The following KCNB2 variants were observed in gnomAD, a reference collection of about 807,000 sequenced individuals.
KCNB2 encodes the protein delayed rectifier potassium channel protein.
In KCNB2, 15 loss-of-function variants were observed where a neutral mutation model predicts 61.5. The observed-to-expected ratio is 0.24, with a 90% CI of 0.16 to 0.38. KCNB2 has a LOEUF of 0.38. KCNB2 is among the 10% of genes least tolerant of loss of function. The pLI is 1.00. For missense variants in KCNB2, 828 were observed against 1,125.2 expected (o/e 0.74, Z 3.78); for synonymous variants, 457 against 446.0 (o/e 1.02, Z -0.31).
chr8:72,580,421 T>C (rs1806872743), intron 2 of KCNB2, among the ~76,000 whole-genome samples: 1 of 152,236 alleles, frequency 6.6e-6, no homozygotes, highest in African/African-American at 2.4e-5. Context: ...TATTTCTAGT[T>C]GTATTTTTCA....
intron 2 of KCNB2, among the ~76,000 whole-genome samples, chr8:72,635,234 A>T (rs958411746): frequency 3.9e-5 from 6 of 152,160 alleles, no homozygotes; most frequent in Admixed American, 2.6e-4. Flanking sequence ...CCCTTTTTGC[A>T]GTCGGCTGCA....
chr8:72,918,992 T>A (rs1806451656), intron 2 of KCNB2, among the ~76,000 whole-genome samples: 1 of 152,166 alleles, frequency 6.6e-6, no homozygotes, highest in African/African-American at 2.4e-5. Context: ...TAAAATACCA[T>A]CTATCTGTAA....
chr8:72,604,240 C>T (rs1805411828), intron 2 of KCNB2, among the ~76,000 whole-genome samples: 1 of 152,196 alleles, frequency 6.6e-6, no homozygotes, highest in Non-Finnish European at 1.5e-5. Flanking sequence ...GCAGTAACTA[C>T]TTAGAACACA....
intron 2 of KCNB2, among the ~76,000 whole-genome samples, chr8:72,760,572 T>C (rs1328497058): frequency 1.3e-5 from 2 of 152,174 alleles, no homozygotes; most frequent in East Asian, 3.9e-4. Flanking sequence ...ACACATGAGA[T>C]GGGATCCTAT....
At chr8:72,929,991 T>G (rs1014341847) in intron 2 of KCNB2, among the ~76,000 whole-genome samples, 3 of 125,568 alleles carry the variant, frequency 2.4e-5, no homozygotes, top group Non-Finnish European at 4.7e-5. Flanking sequence ...GATATCCCCC[T>G]TCCTGTGTCC....
chr8:72,596,557 G>A (rs992484961), intron 2 of KCNB2, among the ~76,000 whole-genome samples: 1 of 152,156 alleles, frequency 6.6e-6, no homozygotes, highest in Non-Finnish European at 1.5e-5. Flanking sequence ...GCCCATCATT[G>A]TTACATAAGG....
chr8:72,613,519 A>G (rs770728611), intron 2 of KCNB2, among the ~76,000 whole-genome samples: 1 of 152,230 alleles, frequency 6.6e-6, no homozygotes, highest in Non-Finnish European at 1.5e-5. Context: ...AACAAAATAT[A>G]AAAATAAAAT....
chr8:72,700,853 G>A (rs1807110133), intron 2 of KCNB2, among the ~76,000 whole-genome samples: 1 of 152,130 alleles, frequency 6.6e-6, no homozygotes, highest in Non-Finnish European at 1.5e-5. Context: ...ATCAGGGATT[G>A]GATAAAGAAC....
intron 1 of KCNB2, 132 bp from the exon 2 acceptor site, chr8:72,567,510 A>G (rs980860833): frequency 2.1e-6 from 1 of 471,568 alleles, no homozygotes; most frequent in African/African-American, 2.0e-5. Context: ...GTATGTAGAC[A>G]TTAATATTGT....
At chr8:72,904,917 T>C (rs1044283692) in intron 2 of KCNB2, among the ~76,000 whole-genome samples, 1 of 152,092 alleles carries the variant, frequency 6.6e-6, no homozygotes, top group Admixed American at 6.6e-5. Context: ...AGGAACCTTG[T>C]CTTATTCACT....
At chr8:72,655,422 C>A (rs1244518325) in intron 2 of KCNB2, among the ~76,000 whole-genome samples, 1 of 151,812 alleles carries the variant, frequency 6.6e-6, no homozygotes, top group Non-Finnish European at 1.5e-5. Context: ...TATAACAAAC[C>A]CTGAACCTAA....
At chr8:72,779,674 C>T (rs1359267752) in intron 2 of KCNB2, among the ~76,000 whole-genome samples, 3 of 152,092 alleles carry the variant, frequency 2.0e-5, no homozygotes, top group Admixed American at 6.6e-5. Flanking sequence ...TAGAGCTCTT[C>T]TTTTTTAAAG....
chr8:72,868,793 A>G (rs1023275543), intron 2 of KCNB2, among the ~76,000 whole-genome samples: 1 of 152,160 alleles, frequency 6.6e-6, no homozygotes, highest in African/African-American at 2.4e-5. Context: ...CAAAATAGAG[A>G]AAAATGGCTG....
At position 72,937,533 on chromosome 8, in the gene KCNB2, A is replaced by G; in HGVS notation, c.2178A>G (p.Ala726=). The G allele has an allele frequency of 1.2e-6, 2 of 1,613,836 alleles. No individual in the cohort carries two copies. Among genetic ancestry groups the G allele is most frequent in the Non-Finnish European group, 1.7e-6 (2 of 1,179,930 alleles). ...KVNFKENRGS[A]PQTPPSTARP... is the part of the protein sequence containing the mutation. ...ACTTTAAGGAAAATAGAGGCAGTGC[A>G]CCACAGACCCCGCCCAGCACAGCCA... Residue 726 remains alanine, a synonymous_variant, in exon 3 of 3, where the codon GCA becomes GCG. Coordinates refer to ENST00000523207, the MANE Select transcript of KCNB2 (RefSeq NM_004770.3).
At chr8:72,818,609 C>G (rs1440337) in intron 2 of KCNB2, among the ~76,000 whole-genome samples, 33,712 of 152,084 alleles carry the variant, frequency 0.22, 4,093 homozygotes, top group East Asian at 0.5. Context: ...AAAATTAATT[C>G]ATATTGAATG....
chr8:72,558,033 T>C (rs995064109), intron 1 of KCNB2, among the ~76,000 whole-genome samples: 1 of 152,250 alleles, frequency 6.6e-6, no homozygotes, highest in African/African-American at 2.4e-5. Context: ...AATTTATTAC[T>C]TATTCATTCA....
chr8:72,798,786 A>G (rs1214647052), intron 2 of KCNB2, among the ~76,000 whole-genome samples: 3 of 152,178 alleles, frequency 2.0e-5, no homozygotes, highest in Non-Finnish European at 4.4e-5. Flanking sequence ...GTAGGTTTCC[A>G]GTGGATTAAT....
At chr8:72,852,037 C>A (rs1810125505) in intron 2 of KCNB2, among the ~76,000 whole-genome samples, 1 of 151,236 alleles carries the variant, frequency 6.6e-6, no homozygotes, top group Non-Finnish European at 1.5e-5. Context: ...GAATTCAGGA[C>A]CAGCCTGGCC....
intron 2 of KCNB2, among the ~76,000 whole-genome samples, chr8:72,725,540 T>TAC: frequency 1.0e-4 from 2 of 19,862 alleles, no homozygotes; most frequent in African/African-American, 4.2e-4. Flanking sequence ...TATATATATA[T>TAC]GTGTGTATAT....
Sources: allele counts gnomAD v4.1 joint callset (sites outside exome capture counted in the v4.1 genomes callset), GRCh38; gene constraint gnomAD v4.1.1; transcripts MANE v1.5; gene names NCBI Gene and HGNC (gene_info 2026-07-23, HGNC 2026-07-21).